Variants in SNTG1 observed in about 807,000 individuals in gnomAD.
SNTG1 encodes the protein syntrophin gamma 1.
Under a neutral mutation model 74.7 loss-of-function variants are expected in SNTG1, and 39 were observed. The ratio of observed to expected loss-of-function variants is 0.52; its 90% confidence interval spans 0.40 to 0.68. The LOEUF (loss-of-function observed/expected upper bound fraction) is 0.68. Among genes scored for constraint, SNTG1 ranks in the 30% least tolerant of loss-of-function variants. The pLI is 0.00. For missense variants in SNTG1, 685 were observed against 609.5 expected (o/e 1.12, Z -1.30); for synonymous variants, 254 against 217.1 (o/e 1.17, Z -1.49).
intron 3 of SNTG1, 31 bp from the exon 4 acceptor site, chr8:50,402,179 T>G: frequency 6.3e-7 from 1 of 1,579,552 alleles, no homozygotes. Context: ...GTATAATTTT[T>G]CCTCTGTTTG....
intron 4 of SNTG1, among the ~76,000 whole-genome samples, chr8:50,407,432 T>G (rs914028896): frequency 6.6e-6 from 1 of 152,110 alleles, no homozygotes; most frequent in Non-Finnish European, 1.5e-5. Context: ...TATCAGGCAG[T>G]TTACTCATGA....
chr8:49,961,158 C>A (rs571355460), intron 1 of SNTG1, among the ~76,000 whole-genome samples: 4 of 152,272 alleles, frequency 2.6e-5, no homozygotes, highest in Admixed American at 6.5e-5. Flanking sequence ...GAGTCTACTT[C>A]ATAAACATAG....
intron 2 of SNTG1, among the ~76,000 whole-genome samples, chr8:50,261,891 G>T (rs1361567577): frequency 6.6e-6 from 1 of 152,072 alleles, no homozygotes; most frequent in African/African-American, 2.4e-5. Flanking sequence ...GAGGAGAATA[G>T]ATTATAAATA....
Position 50,787,077 on chromosome 8 carries a change from A to G in SNTG1, c.1396-5594A>G, listed in dbSNP as rs532918852. ...TGCAGATTGGCAGAAACATTTTCAA[A>G]TCATTTATCTGTTAAGGAGACTGTA... On this transcript the variant is annotated intron_variant, in intron 18 of 18. Transcript: ENST00000642720. 9.2e-5 allele frequency among the ~76,000 whole-genome samples: 14 copies of G among 152,084 alleles called. No individual in the cohort carries two copies. In the East Asian group the frequency reaches 2.5e-3, roughly 27 times the overall value.
At chr8:50,660,192 G>GAAAGA (rs1204570562) in intron 15 of SNTG1, among the ~76,000 whole-genome samples, 1 of 140,652 alleles carries the variant, frequency 7.1e-6, no homozygotes, top group African/African-American at 2.7e-5. Flanking sequence ...AGAAAAGAAA[G>GAAAGA]AAAGAAAAGA....
chr8:50,364,434 T>G (rs2092049778), intron 2 of SNTG1, among the ~76,000 whole-genome samples: 1 of 152,188 alleles, frequency 6.6e-6, no homozygotes, highest in Non-Finnish European at 1.5e-5. Flanking sequence ...ACACACTTAC[T>G]GTCATGGGCT....
Position 50,691,316 on chromosome 8 carries a change from G to A in SNTG1, c.1039-13284G>A, listed in dbSNP as rs531363166. On this transcript the variant is annotated intron_variant, in intron 15 of 18. Coordinates refer to ENST00000642720, the MANE Select transcript of SNTG1 (RefSeq NM_018967.5). ...ATGATGTTAGCTGGTTATTTTGCTC[G>A]TTAGTTGATGCAGTTTCTTCCTAGC... is the stretch of plus-strand genomic sequence containing the variant. Among the ~76,000 whole-genome samples, 27 of 152,256 alleles carry A rather than the reference G, an allele frequency of 1.8e-4. No individual in the cohort carries two copies. In the East Asian group the frequency reaches 3.5e-3, roughly 20 times the overall value.
chr8:49,915,510 T>A (rs1805950843), intron 1 of SNTG1, among the ~76,000 whole-genome samples: 1 of 152,170 alleles, frequency 6.6e-6, no homozygotes, highest in African/African-American at 2.4e-5. Context: ...TCAATGAAGG[T>A]GGACTTGGTT....
chr8:50,509,589 C>A (rs2094045898), intron 9 of SNTG1, among the ~76,000 whole-genome samples: 1 of 152,096 alleles, frequency 6.6e-6, no homozygotes, highest in Non-Finnish European at 1.5e-5. Flanking sequence ...TCTTGTATTT[C>A]ATTGAGCAGT....
At chr8:50,695,098 G>C (rs2095399107) in intron 15 of SNTG1, among the ~76,000 whole-genome samples, 2 of 151,718 alleles carry the variant, frequency 1.3e-5, no homozygotes, top group African/African-American at 4.8e-5. Context: ...AATTAGGCAA[G>C]AGGAAGAAAT....
chr8:50,245,910 A>C (rs994635739), intron 2 of SNTG1, among the ~76,000 whole-genome samples: 3 of 152,050 alleles, frequency 2.0e-5, no homozygotes, highest in Non-Finnish European at 4.4e-5. Context: ...TTTGTCGATT[A>C]TTAAGAATTA....
intron 1 of SNTG1, among the ~76,000 whole-genome samples, chr8:50,143,581 C>T (rs576393167): frequency 9.3e-4 from 142 of 152,170 alleles, no homozygotes; most frequent in Non-Finnish European, 1.8e-3. Flanking sequence ...CAGATAGTCT[C>T]GTACTTTTAA....
chr8:49,945,650 GC>G (rs1347209729), intron 1 of SNTG1, among the ~76,000 whole-genome samples: 8 of 152,170 alleles, frequency 5.3e-5, no homozygotes, highest in African/African-American at 1.7e-4. Context: ...GCCTGCCAGG[GC>G]CCAGGCTAAA....
chr8:50,688,085 C>G (rs1291433316), intron 15 of SNTG1, among the ~76,000 whole-genome samples: 2 of 152,082 alleles, frequency 1.3e-5, no homozygotes, highest in Non-Finnish European at 2.9e-5. Flanking sequence ...TATCCTTCAC[C>G]CACTTTTTGA....
At chr8:50,697,844 A>T (rs1361488997) in intron 15 of SNTG1, among the ~76,000 whole-genome samples, 2 of 152,108 alleles carry the variant, frequency 1.3e-5, no homozygotes, top group Non-Finnish European at 2.9e-5. Context: ...TTGAGAATTT[A>T]TTGATAATTT....
At position 50,055,435 on chromosome 8, in the gene SNTG1, TA is replaced by T. The variant is rs920817096; in HGVS notation, c.-102-117120del. Among the ~76,000 whole-genome samples the T allele has an allele frequency of 3.3e-5, 5 of 152,272 alleles. No individual in the cohort carries two copies. The East Asian group carries it at 7.7e-4, about 24-fold the overall frequency. Reference sequence around the variant, plus strand: ...TGTTTACCAGGTTTTCAATGAACTTTAAAAAACATGTTAATGCTCCTGTTTC... The same window carrying T: ...TGTTTACCAGGTTTTCAATGAACTTTAAAAACATGTTAATGCTCCTGTTTC... On this transcript the variant is annotated intron_variant, in intron 1 of 18. Transcript: ENST00000642720.
chr8:50,632,743 T>G (rs2095010471), intron 13 of SNTG1, among the ~76,000 whole-genome samples: 1 of 152,232 alleles, frequency 6.6e-6, no homozygotes, highest in South Asian at 2.1e-4. Flanking sequence ...GTAAGATGCA[T>G]GCCTTTCCCA....
At chr8:50,571,989 A>G (rs1038006717) in intron 12 of SNTG1, among the ~76,000 whole-genome samples, 2 of 152,170 alleles carry the variant, frequency 1.3e-5, no homozygotes, top group African/African-American at 2.4e-5. Flanking sequence ...TGAGCTTCTT[A>G]TGTATGAACA....
At chr8:50,342,928 T>C (rs1471431306) in intron 2 of SNTG1, among the ~76,000 whole-genome samples, 1 of 152,176 alleles carries the variant, frequency 6.6e-6, no homozygotes, top group Admixed American at 6.5e-5. Context: ...GCCATCTGCC[T>C]GGAGCTCACT....
Sources: gnomAD v4.1 joint callset for allele counts (sites outside exome capture counted in the v4.1 genomes callset) on GRCh38, gnomAD v4.1.1 for gene constraint, MANE v1.5 for transcripts, NCBI Gene and HGNC (gene_info 2026-07-23, HGNC 2026-07-21) for gene names.